Variants in RNFT2 observed in about 807,000 individuals in gnomAD.
RNFT2 encodes E3 ubiquitin-protein ligase RNFT2.
Under a neutral mutation model 53.0 loss-of-function variants are expected in RNFT2, and 36 were observed. The ratio of observed to expected loss-of-function variants is 0.68; its 90% CI spans 0.52 to 0.90. The LOEUF (loss-of-function observed/expected upper bound fraction) is 0.90, where lower values mean the gene tolerates loss of function less well. Among genes scored for constraint, RNFT2 ranks in the 40% least tolerant of loss-of-function variants. The pLI is 0.00. For missense variants in RNFT2, 514 were observed against 585.6 expected, an observed-to-expected ratio of 0.88 and a Z score of 1.26; for synonymous variants, 260 against 253.2, an observed-to-expected ratio of 1.03 and a Z score of -0.26.
chr12:116,847,829 C>A (rs1246364519), intron 10 of RNFT2, among the ~76,000 whole-genome samples: 1 of 152,060 alleles, frequency 6.6e-6, no homozygotes, highest in East Asian at 1.9e-4. Flanking sequence ...GCCTGGCCCT[C>A]TCTCTTTTTT....
chr12:116,769,488 T>G (rs926395206), intron 6 of RNFT2, among the ~76,000 whole-genome samples: 6 of 152,206 alleles, frequency 3.9e-5, no homozygotes, highest in African/African-American at 1.4e-4. Context: ...GACAGTGATA[T>G]TGATGATTCT....
chr12:116,753,895 G>A (rs752749373), intron 4 of RNFT2, 89 bp from the exon 5 acceptor site: 44 of 937,750 alleles, frequency 4.7e-5, no homozygotes, highest in Non-Finnish European at 7.2e-5. Context: ...AGGGGACCAG[G>A]GATGTGCCTT....
rs999658304 is a variant in RNFT2 at position 116,766,422 on chromosome 12, T to C, written c.628-392T>C. On this transcript the variant is annotated intron_variant, in intron 5 of 10. Coordinates refer to ENST00000257575, the MANE Select transcript of RNFT2 (RefSeq NM_001382266.1). Reference sequence around the variant, plus strand: ...ATGTACTTTAATTCTTACAACTCTATAAGGTAGATACTAAGATATACCCAT... The same window carrying C: ...ATGTACTTTAATTCTTACAACTCTACAAGGTAGATACTAAGATATACCCAT... Among the ~76,000 whole-genome samples, 7 of 152,182 alleles carry C rather than the reference T, an allele frequency of 4.6e-5. 1 individual carries two copies. Among genetic ancestry groups the C allele is most frequent in the Non-Finnish European group, 5.9e-5 (4 of 68,018 alleles).
In RNFT2 at chr12:116,768,799, C is replaced by T. The variant is rs554841961; in HGVS notation, c.728+1885C>T. 1.6e-3 allele frequency among the ~76,000 whole-genome samples: 236 copies of T among 148,818 alleles called. 1 individual carries two copies. The highest frequency in any genetic ancestry group is 2.6e-3 in the Non-Finnish European group (175 of 67,462). On this transcript the variant is annotated intron_variant, in intron 6 of 10. Transcript: ENST00000257575. ...AGGCTGGAGTGCAGTGGTGTGATCT[C>T]GGCTCACTGCAACCTCCGCCTCCCA...
chr12:116,792,281 C>T (rs1874277410), intron 7 of RNFT2, among the ~76,000 whole-genome samples: 1 of 152,140 alleles, frequency 6.6e-6, no homozygotes, highest in African/African-American at 2.4e-5. Flanking sequence ...AACTCCTGAC[C>T]TCAGGTGATC....
chr12:116,768,232 C>T (rs1293720033), intron 6 of RNFT2, among the ~76,000 whole-genome samples: 1 of 151,770 alleles, frequency 6.6e-6, no homozygotes, highest in Non-Finnish European at 1.5e-5. Flanking sequence ...TCTTGAGTAG[C>T]TGGGATTACA....
intron 4 of RNFT2, among the ~76,000 whole-genome samples, 156 bp downstream of exon 4, chr12:116,750,463 A>G (rs1031074630): frequency 6.6e-6 from 1 of 152,134 alleles, no homozygotes; most frequent in Non-Finnish European, 1.5e-5. Context: ...CCTGGGTTCA[A>G]ATCCTGGCCG....
intron 7 of RNFT2, among the ~76,000 whole-genome samples, chr12:116,831,974 C>CA (rs963677654): frequency 1.3e-5 from 2 of 150,744 alleles, no homozygotes; most frequent in African/African-American, 2.4e-5. Context: ...ACTAAAAATA[C>CA]AAAAAAATTA....
intron 10 of RNFT2, among the ~76,000 whole-genome samples, chr12:116,846,901 A>AT (rs34273674): frequency 2.0e-3 from 230 of 112,348 alleles, no homozygotes; most frequent in African/African-American, 6.6e-3. Flanking sequence ...CATGCCCAGG[A>AT]TTTTTTTTTT....
chr12:116,803,025 G>A (rs555113673), intron 7 of RNFT2, among the ~76,000 whole-genome samples: 1 of 152,190 alleles, frequency 6.6e-6, no homozygotes, highest in South Asian at 2.1e-4. Context: ...AGCCTGGGAG[G>A]CAGAGGATGC....
At chr12:116,789,772 ATGGATGGGTAAATGGAAGGAGAG>A (rs1874137913) in intron 7 of RNFT2, among the ~76,000 whole-genome samples, 7 of 132,940 alleles carry the variant, frequency 5.3e-5, no homozygotes, top group Admixed American at 3.1e-4. Flanking sequence ...GAGTGGATGG[ATGGATGGGTAAATGGAAGGAGAG>A]TGGATGGGTA....
At chr12:116,740,814 C>T in intron 2 of RNFT2, 1 of 622,660 alleles carries the variant, frequency 1.6e-6, no homozygotes, top group Non-Finnish European at 2.9e-6. Flanking sequence ...TGAGTCTCAT[C>T]GTCCTCCTCT....
chr12:116,800,355 G>A (rs1845777), intron 7 of RNFT2, among the ~76,000 whole-genome samples: 81,734 of 151,774 alleles, frequency 0.54, 27,147 homozygotes, highest in Non-Finnish European at 0.72. Context: ...AAAATTGGCC[G>A]GGCACAGTGG....
chr12:116,804,849 TC>T (rs1378203445), intron 7 of RNFT2, among the ~76,000 whole-genome samples: 1 of 152,118 alleles, frequency 6.6e-6, no homozygotes, highest in African/African-American at 2.4e-5. Context: ...TGCCTGTAGT[TC>T]CAGCTATTCA....
intron 10 of RNFT2, among the ~76,000 whole-genome samples, chr12:116,837,401 A>G (rs1050380744): frequency 6.6e-6 from 1 of 151,972 alleles, no homozygotes; most frequent in African/African-American, 2.4e-5. Context: ...TGAGGCAGAG[A>G]GCGATGAGTT....
At position 116,841,818 on chromosome 12, in the gene RNFT2, AAAAT is replaced by A. The variant is rs1280132718; in HGVS notation, c.1200+5538_1200+5541del. On this transcript the variant is annotated intron_variant, in intron 10 of 10. Transcript: ENST00000257575. ...AAATATATATATAAATATATATATAAAAATATATATATATAAATATATATATAAA... is the reference window on the plus strand; with the variant it reads ...AAATATATATATAAATATATATATAAATATATATATAAATATATATATAAA... 2.7e-3 allele frequency among the ~76,000 whole-genome samples: 205 copies of A among 76,866 alleles called. 4 individuals are homozygous for A. Among genetic ancestry groups the A allele is most frequent in the African/African-American group, 0.014 (186 of 13,148 alleles). 50.4% of individuals were successfully genotyped at this position (76,866 alleles called of 152,430 possible).
intron 7 of RNFT2, among the ~76,000 whole-genome samples, chr12:116,799,704 G>T (rs1052598667): frequency 6.6e-6 from 1 of 152,142 alleles, no homozygotes; most frequent in Non-Finnish European, 1.5e-5. Flanking sequence ...GTAGAGACGG[G>T]GTTTCACCAT....
intron 4 of RNFT2, among the ~76,000 whole-genome samples, chr12:116,752,545 T>G (rs965237771): frequency 6.6e-6 from 1 of 152,186 alleles, no homozygotes. Context: ...TTCTACAAAG[T>G]AGATCTGGAA....
intron 10 of RNFT2, among the ~76,000 whole-genome samples, chr12:116,842,394 C>T (rs1877393430): frequency 1.3e-5 from 2 of 152,068 alleles, no homozygotes; most frequent in East Asian, 1.9e-4. Context: ...CTCACATGCC[C>T]GAGGTTGGAT....
Sources: gnomAD v4.1 joint callset for allele counts (sites outside exome capture counted in the v4.1 genomes callset) on GRCh38, gnomAD v4.1.1 for gene constraint, MANE v1.5 for transcripts, NCBI Gene and HGNC (gene_info 2026-07-23, HGNC 2026-07-21) for gene names.